The following DNAJC5B variants were observed in gnomAD, a reference collection of about 807,000 sequenced individuals.
The protein encoded by DNAJC5B is dnaJ homolog subfamily C member 5B.
A neutral mutation model predicts 24.7 loss-of-function variants in DNAJC5B; 23 were observed. That is an observed-to-expected ratio of 0.93 (90% CI 0.67 to 1.32). The LOEUF (loss-of-function observed/expected upper bound fraction) is 1.32. DNAJC5B is among the 40% of genes most tolerant of loss of function. The pLI is 0.00. For synonymous variants in DNAJC5B, 101 were observed against 90.1 expected (o/e 1.12, Z -0.68); for missense variants, 238 against 240.8 (o/e 0.99, Z 0.08).
intron 2 of DNAJC5B, among the ~76,000 whole-genome samples, chr8:66,044,472 T>C (rs1423910943): frequency 6.6e-6 from 1 of 151,722 alleles, no homozygotes; most frequent in Non-Finnish European, 1.5e-5. Context: ...GAAGCTTCTT[T>C]TGCTTCGAAA....
At chr8:66,052,844 G>A (rs1213227810) in intron 3 of DNAJC5B, among the ~76,000 whole-genome samples, 2 of 152,164 alleles carry the variant, frequency 1.3e-5, no homozygotes, top group South Asian at 2.1e-4. Flanking sequence ...AAAGATGTGT[G>A]GACCTTAACC....
chr8:66,065,065 T>G (rs1302160378), intron 3 of DNAJC5B, among the ~76,000 whole-genome samples: 1 of 152,264 alleles, frequency 6.6e-6, no homozygotes, highest in Non-Finnish European at 1.5e-5. Flanking sequence ...GGGGAAATAC[T>G]TTTCAAGCGA....
At chr8:66,033,848 T>A (rs536988193) in intron 1 of DNAJC5B, among the ~76,000 whole-genome samples, 2 of 150,572 alleles carry the variant, frequency 1.3e-5, no homozygotes, top group South Asian at 4.2e-4. Flanking sequence ...TGAATCATAG[T>A]TGAGAAGGCA....
Position 66,024,237 on chromosome 8 carries a change from A to G in DNAJC5B, c.-142+2532A>G, listed in dbSNP as rs140606167. Among the ~76,000 whole-genome samples the G allele has an allele frequency of 6.4e-3, 979 of 152,288 alleles. 9 individuals are homozygous for G. The highest frequency in any genetic ancestry group is 0.022 in the African/African-American group (932 of 41,540). ...GAAGGAGCATAAGAAAGAGCATTCC[A>G]TCATGGCATAGGCTTTACACAGTTG... On this transcript the variant is annotated intron_variant, in intron 1 of 5. Coordinates refer to ENST00000276570, the MANE Select transcript of DNAJC5B (RefSeq NM_033105.6).
At chr8:66,076,526 C>A in intron 3 of DNAJC5B, 134 bp from the exon 4 acceptor site, 1 of 926,784 alleles carries the variant, frequency 1.1e-6, no homozygotes, top group Non-Finnish European at 1.7e-6. Context: ...TGTTAATCAC[C>A]GCTAGTCTGA....
Position 66,076,756 on chromosome 8 carries a change from C to G in DNAJC5B, c.216C>G (p.Thr72=), listed in dbSNP as rs372501975. 2 of 1,614,022 alleles carry G rather than the reference C, an allele frequency of 1.2e-6. No individual in the cohort carries two copies. Among genetic ancestry groups the G allele is most frequent in the African/African-American group, 1.3e-5 (1 of 74,904 alleles). Residue 72 remains threonine (T), a synonymous_variant, in exon 4 of 6, where the codon ACC becomes ACG. Coordinates refer to ENST00000276570, the MANE Select transcript of DNAJC5B (RefSeq NM_033105.6). ...TCAACAACGCCCACGCAATACTTAC[C>G]GACATTTCAAAGAGAAGCATATACG... is the stretch of plus-strand genomic sequence containing the variant. ...KEINNAHAIL[T]DISKRSIYDK...
At chr8:66,080,581 T>C in intron 5 of DNAJC5B, 33 bp downstream of exon 5, 2 of 1,546,960 alleles carry the variant, frequency 1.3e-6, no homozygotes, top group Non-Finnish European at 1.7e-6. Context: ...GTAGTGAGTG[T>C]CCATTCATAG....
chr8:66,036,957 G>A (rs908237724), intron 1 of DNAJC5B, among the ~76,000 whole-genome samples: 2 of 152,176 alleles, frequency 1.3e-5, no homozygotes, highest in Non-Finnish European at 2.9e-5. Flanking sequence ...AGCTCTGGTC[G>A]GTTCTGCGGC....
At chr8:66,038,314 A>G (rs1418339516) in intron 1 of DNAJC5B, among the ~76,000 whole-genome samples, 2 of 152,236 alleles carry the variant, frequency 1.3e-5, no homozygotes, top group Non-Finnish European at 2.9e-5. Context: ...AGGTGGTGTC[A>G]TTAATCTCAG....
intron 3 of DNAJC5B, among the ~76,000 whole-genome samples, chr8:66,076,377 C>G (rs1410505887): frequency 6.6e-6 from 1 of 152,166 alleles, no homozygotes; most frequent in Non-Finnish European, 1.5e-5. Context: ...AGAAACTTCG[C>G]ATATTTGCCA....
At chr8:66,072,092 TA>T (rs1436858888) in intron 3 of DNAJC5B, among the ~76,000 whole-genome samples, 1 of 151,988 alleles carries the variant, frequency 6.6e-6, no homozygotes, top group African/African-American at 2.4e-5. Flanking sequence ...GAGAAATGTT[TA>T]ATGTAGGTGA....
At chr8:66,018,869 A>T (rs1387365041), upstream of DNAJC5B, among the ~76,000 whole-genome samples, 2 of 152,200 alleles carry the variant, frequency 1.3e-5, no homozygotes, top group Non-Finnish European at 1.5e-5. Context: ...CCTCCTCCAT[A>T]ACTAAGCAAA....
chr8:66,099,144 G>T lies in DNAJC5B; in HGVS notation c.506-793G>T, dbSNP rs1808019076. ...TTTTATAATGATATTTTGAGGCCTA[G>T]GTTGAAGGTGAGGTCATTCACTTTT... is the stretch of plus-strand genomic sequence containing the variant. On this transcript the variant is annotated intron_variant, in intron 5 of 5. Coordinates refer to ENST00000276570, the MANE Select transcript of DNAJC5B (RefSeq NM_033105.6). Among the ~76,000 whole-genome samples the T allele has an allele frequency of 2.0e-5, 3 of 152,096 alleles. No homozygotes were observed. In the South Asian group the frequency reaches 6.2e-4, roughly 32 times the overall value.
In DNAJC5B at chr8:66,100,012, G is replaced by T. The variant is rs1168037672; in HGVS notation, c.581G>T (p.Ser194Ile). The T allele has an allele frequency of 2.5e-6, 4 of 1,613,814 alleles. No individual in the cohort carries two copies. In the Admixed American group the frequency reaches 6.7e-5, roughly 27 times the overall value. The change falls in exon 6 of 6, where the codon AGT becomes ATT. Residue 194 changes from serine (S) to isoleucine (I), a missense_variant. Ser to Ile is a moderately radical substitution (Grantham distance 142). Coordinates refer to ENST00000276570, the MANE Select transcript of DNAJC5B (RefSeq NM_033105.6). ...KTQLIKEGSR[S>I]YCTDS ...CAGCTAATCAAAGAAGGATCTCGAA[G>T]TTATTGCACAGACTCTTGATATTGA...
At chr8:66,087,903 C>T (rs1586115639) in intron 5 of DNAJC5B, among the ~76,000 whole-genome samples, 1 of 152,276 alleles carries the variant, frequency 6.6e-6, no homozygotes, top group African/African-American at 2.4e-5. Flanking sequence ...TTGGTGCAAG[C>T]TATTGATGGA....
At chr8:66,095,728 G>A (rs1160859101) in intron 5 of DNAJC5B, among the ~76,000 whole-genome samples, 1 of 150,662 alleles carries the variant, frequency 6.6e-6, no homozygotes, top group East Asian at 1.9e-4. Context: ...CATCATCTGA[G>A]TTCTAAATAT....
At chr8:66,017,504 A>G (rs1216717084), upstream of DNAJC5B, among the ~76,000 whole-genome samples, 2 of 152,214 alleles carry the variant, frequency 1.3e-5, no homozygotes, top group African/African-American at 2.4e-5. Context: ...ATTAAGCATA[A>G]ATAGTTTGGT....
intron 3 of DNAJC5B, among the ~76,000 whole-genome samples, chr8:66,061,544 G>A: frequency 6.6e-6 from 1 of 151,950 alleles, no homozygotes; most frequent in South Asian, 2.1e-4. Flanking sequence ...CGGGTGCAGG[G>A]TGACGTGCCA....
chr8:66,020,734 T>C (rs1269139069), upstream of DNAJC5B, among the ~76,000 whole-genome samples: 2 of 151,872 alleles, frequency 1.3e-5, no homozygotes, highest in African/African-American at 4.8e-5. Flanking sequence ...ATATCTTGGG[T>C]TTAAGCGATC....
Sources: gnomAD v4.1 joint callset for allele counts (sites outside exome capture counted in the v4.1 genomes callset) on GRCh38, gnomAD v4.1.1 for gene constraint, MANE v1.5 for transcripts, NCBI Gene and HGNC (gene_info 2026-07-23, HGNC 2026-07-21) for gene names.